Variants in MYH7 observed in about 807,000 individuals in gnomAD.
MYH7 encodes the protein myosin heavy chain 7.
MYH7 carries 129 observed loss-of-function variants against 225.4 expected under a neutral mutation model. The observed-to-expected ratio is 0.57, with a 90% confidence interval of 0.50 to 0.66. MYH7 has a LOEUF of 0.66. MYH7 is among the 30% of genes least tolerant of loss of function. The pLI, the probability that MYH7 is intolerant of heterozygous loss-of-function variation, is 0.00. For synonymous variants in MYH7, 971 were observed against 1,007.6 expected, an observed-to-expected ratio of 0.96 and a Z score of 0.69; for missense variants, 1,649 against 2,517.0, an observed-to-expected ratio of 0.66 and a Z score of 7.38.
Position 23,415,978 on chromosome 14 carries a change from G to A in MYH7, c.4953+26C>T. ...CACTACTGCTTCGCCAGGCCACGTGGAGGCCAGTCCCCTCTGGGTGAGTAC... is the reference window on the plus strand; with the variant it reads ...CACTACTGCTTCGCCAGGCCACGTGAAGGCCAGTCCCCTCTGGGTGAGTAC... On this transcript the variant is annotated intron_variant, in intron 34 of 39. Transcript: ENST00000355349. This position sits in a 1 kb window ranked among gnomAD's most constrained non-coding sequence, Gnocchi z 6.3. The A allele has an allele frequency of 6.2e-7, 1 of 1,614,118 alleles. No homozygotes were observed. The highest frequency in any genetic ancestry group is 8.5e-7 in the Non-Finnish European group (1 of 1,180,036).
chr14:23,420,303 G>C lies in MYH7; in HGVS notation c.3337-69C>G. ...CACTGGAATCCCCCCGGCTCTAAAA[G>C]GCTCTCGGCTTCTCTGGAACAGCAA... On this transcript the variant is annotated intron_variant, in intron 26 of 39. Coordinates refer to ENST00000355349, the MANE Select transcript of MYH7 (RefSeq NM_000257.4). 1.9e-6 allele frequency: 3 copies of C among 1,569,390 alleles called. No individual in the cohort carries two copies. In the Admixed American group the frequency reaches 5.6e-5, roughly 29 times the overall value.
At chr14:23,424,662 T>A in intron 22 of MYH7, 107 bp downstream of exon 22, 1 of 1,581,694 alleles carries the variant, frequency 6.3e-7, no homozygotes, top group Non-Finnish European at 8.6e-7. Flanking sequence ...CCCAGAGTCC[T>A]CTGACTGAAG....
chr14:23,420,516 T>C (rs1892433178), intron 26 of MYH7, among the ~76,000 whole-genome samples: 1 of 152,062 alleles, frequency 6.6e-6, no homozygotes, highest in African/African-American at 2.4e-5. Flanking sequence ...AGTTTAGTCA[T>C]AAAAAAATAA....
chr14:23,429,954 G>A (rs753210805), intron 11 of MYH7, 41 bp from the exon 12 acceptor site: 2 of 1,611,336 alleles, frequency 1.2e-6, no homozygotes, highest in Admixed American at 3.3e-5. Flanking sequence ...AGAAAAAGAA[G>A]TATGATGGGT....
Position 23,420,102 on chromosome 14 carries a change from T to C in MYH7, c.3469A>G (p.Thr1157Ala), listed in dbSNP as rs730880775. The C allele has an allele frequency of 1.2e-6, 2 of 1,603,644 alleles. No individual in the cohort carries two copies. Among genetic ancestry groups the C allele is most frequent in the Non-Finnish European group, 8.5e-7 (1 of 1,176,608 alleles). The change falls in exon 27 of 40, where the codon ACG (threonine) becomes GCG (alanine). Residue 1157 changes from threonine (T) to alanine (A), a missense_variant. Physicochemically the swap from Thr to Ala is moderately conservative, Grantham distance 58. Around this residue, in one of 12 missense-constraint regions of MYH7, gnomAD observed 106 missense variants for 198.8 expected, o/e 0.53. Coordinates refer to ENST00000355349, the MANE Select transcript of MYH7 (RefSeq NM_000257.4). ...SERLEEAGGA[T>A]SVQIEMNKKR... ...TTGTTCATCTCGATCTGCACGGACGTGGCCCCGCCGGCCTCTTCCAGCCGC... is the reference window on the plus strand; with the variant it reads ...TTGTTCATCTCGATCTGCACGGACGCGGCCCCGCCGGCCTCTTCCAGCCGC...
chr14:23,413,225 A>G (rs1329697420), intron 39 of MYH7, among the ~76,000 whole-genome samples: 2 of 152,210 alleles, frequency 1.3e-5, no homozygotes, highest in South Asian at 2.1e-4. Flanking sequence ...CTGGTTGTAT[A>G]TAAATTAGGG....
In MYH7 at chr14:23,426,787, T is replaced by C; in HGVS notation, c.2034A>G (p.Thr678=). Residue 678 remains threonine, a synonymous_variant, in exon 18 of 40, where the codon ACA becomes ACG. Coordinates refer to ENST00000355349, the MANE Select transcript of MYH7 (RefSeq NM_000257.4). ...AGTTTGTGGCCTCACCTGGAGACTTTGTCTCATTAGGGATGATACAACGTA... is the reference window on the plus strand; with the variant it reads ...AGTTTGTGGCCTCACCTGGAGACTTCGTCTCATTAGGGATGATACAACGTA... ...HFVRCIIPNE[T]KSPGVMDNPL... The C allele has an allele frequency of 2.5e-6, 4 of 1,614,174 alleles. No individual in the cohort carries two copies. Among genetic ancestry groups the C allele is most frequent in the Non-Finnish European group, 3.4e-6 (4 of 1,180,004 alleles).
rs730880748 is a variant in MYH7, at chr14:23,424,912, C to G, written c.2536G>C (p.Glu846Gln). 5 of 1,614,152 alleles carry G rather than the reference C, an allele frequency of 3.1e-6. No individual in the cohort carries two copies. Among genetic ancestry groups the G allele is most frequent in the Non-Finnish European group, 1.7e-6 (2 of 1,180,060 alleles). Reference sequence around the variant, plus strand: ...TCCTTCATGGAGGCCATCTCCTTCTCTCTTTCTGCACTCTTCAGCAGCGGC... The same window carrying G: ...TCCTTCATGGAGGCCATCTCCTTCTGTCTTTCTGCACTCTTCAGCAGCGGC... ...IKPLLKSAER[E>Q]KEMASMKEEF... Residue 846 changes from glutamate to glutamine, a missense_variant, in exon 22 of 40, where the codon GAG becomes CAG. This residue lies in a region of MYH7 where 282 missense variants were observed against 315.3 expected (regional missense o/e 0.89). Transcript: ENST00000355349.
At position 23,414,105 on chromosome 14, in the gene MYH7, G is replaced by A. The variant is rs2138636075; in HGVS notation, c.5560-3C>T. ...AGGTTTTTCCTGTCCTCCTCCGTCT[G>A]GGGGCCAGAGGGTAGGCAGGGGGTG... On this transcript the variant is annotated splice_polypyrimidine_tract_variant and splice_region_variant and intron_variant, in intron 37 of 39. Coordinates refer to ENST00000355349, the MANE Select transcript of MYH7 (RefSeq NM_000257.4). 6.2e-7 allele frequency: 1 copy of A among 1,611,146 alleles called. No homozygotes were observed.
chr14:23,419,255 G>T lies in MYH7; in HGVS notation c.3894C>A (p.Ile1298=), dbSNP rs754009767. 1.2e-6 allele frequency: 2 copies of T among 1,614,066 alleles called. No individual in the cohort carries two copies. The highest frequency in any genetic ancestry group is 2.7e-5 in the African/African-American group (2 of 74,912). ...SRQLDEKEAL[I]SQLTRGKLTY... Reference sequence around the variant, plus strand: ...TGAGCTTGCCTCGGGTCAGCTGGGAGATCAGTGCCTCCTTCTCATCCAGCT... The same window carrying T: ...TGAGCTTGCCTCGGGTCAGCTGGGATATCAGTGCCTCCTTCTCATCCAGCT... The change falls in exon 29 of 40, where the codon ATC becomes ATA. Residue 1298 remains isoleucine, a synonymous_variant. Transcript: ENST00000355349.
In MYH7 at chr14:23,424,862, C is replaced by T. The variant is rs112677962; in HGVS notation, c.2586G>A (p.Ala862=). The T allele has an allele frequency of 1.1e-5, 17 of 1,614,108 alleles. No individual in the cohort carries two copies. The highest frequency in any genetic ancestry group is 5.5e-5 in the South Asian group (5 of 91,090). ...MKEEFTRLKE[A]LEKSEARRKE... is the part of the protein sequence containing the mutation. ...TGCGGCGAGCCTCGGACTTCTCTAG[C>T]GCCTCTTTGAGGCGTGTGAACTCCT... The change falls in exon 22 of 40, where the codon GCG becomes GCA. Residue 862 remains alanine, a synonymous_variant. Transcript: ENST00000355349.
At chr14:23,429,435 G>A (rs968943566) in intron 12 of MYH7, 88 bp from the exon 13 acceptor site, 4 of 1,327,588 alleles carry the variant, frequency 3.0e-6, no homozygotes, top group Admixed American at 3.4e-5. Flanking sequence ...CAGCACTTTG[G>A]GAGGCCAAGG....
chr14:23,427,820 C>T lies in MYH7; in HGVS notation c.1653G>A (p.Lys551=), dbSNP rs368160680. The T allele has an allele frequency of 2.5e-6, 4 of 1,614,200 alleles. No homozygotes were observed. The highest frequency in any genetic ancestry group is 3.4e-6 in the Non-Finnish European group (4 of 1,180,032). Residue 551 remains lysine (K), a synonymous_variant, in exon 16 of 40, where the codon AAG becomes AAA. Coordinates refer to ENST00000355349, the MANE Select transcript of MYH7 (RefSeq NM_000257.4). ...PKATDMTFKA[K]LFDNHLGKSA... Reference sequence around the variant, plus strand: ...ATTTGCCCAGGTGGTTGTCAAACAGCTTGGCCTTGAAGGTCATGTCGGTGG... The same window carrying T: ...ATTTGCCCAGGTGGTTGTCAAACAGTTTGGCCTTGAAGGTCATGTCGGTGG...
Position 23,415,144 on chromosome 14 carries a change from C to T in MYH7, c.5410G>A (p.Ala1804Thr), listed in dbSNP as rs730880818. 2 of 1,614,160 alleles carry T rather than the reference C, an allele frequency of 1.2e-6. No individual in the cohort carries two copies. The highest frequency in any genetic ancestry group is 1.1e-5 in the South Asian group (1 of 91,078). Reference sequence around the variant, plus strand: ...AGCTGCTTCTTGCCGCCCTTGAGGGCGATCTGCTCGGCTTCGTCCAGCCGG... The same window carrying T: ...AGCTGCTTCTTGCCGCCCTTGAGGGTGATCTGCTCGGCTTCGTCCAGCCGG... ...QHRLDEAEQI[A>T]LKGGKKQLQK... The change falls in exon 37 of 40, where the codon GCC becomes ACC. Residue 1804 changes from alanine to threonine, a missense_variant. Around this residue, in one of 12 missense-constraint regions of MYH7, gnomAD observed 687 missense variants for 913.8 expected, o/e 0.75. Coordinates refer to ENST00000355349, the MANE Select transcript of MYH7 (RefSeq NM_000257.4). This position sits in a 1 kb window ranked among gnomAD's most constrained non-coding sequence, Gnocchi z 6.3.
At chr14:23,424,228 T>C in intron 22 of MYH7, 79 bp from the exon 23 acceptor site, 1 of 1,578,732 alleles carries the variant, frequency 6.3e-7, no homozygotes. Flanking sequence ...GAGAGGCACA[T>C]CACTCAAATA....
At position 23,417,328 on chromosome 14, in the gene MYH7, G is replaced by C. The variant is rs543141581; in HGVS notation, c.4354-10C>G. 1 of 1,613,380 alleles carries C rather than the reference G, an allele frequency of 6.2e-7. No homozygotes were observed. Among genetic ancestry groups the C allele is most frequent in the Non-Finnish European group, 8.5e-7 (1 of 1,180,008 alleles). On this transcript the variant is annotated splice_polypyrimidine_tract_variant and intron_variant, in intron 31 of 39. Transcript: ENST00000355349. The stretch of plus-strand genomic sequence containing the variant: ...TCCACTCGGCCAGGATCTGCCCGGG[G>C]ACAAGGCTCACTCTTCAGCCCCCCA...
intron 24 of MYH7, 133 bp from the exon 25 acceptor site, chr14:23,422,458 GT>G: frequency 8.7e-7 from 1 of 1,147,356 alleles, no homozygotes; most frequent in South Asian, 1.3e-5. Context: ...TGGGCCAAAT[GT>G]TATTAGGGGA....
chr14:23,419,458 C>G (rs1305354368), intron 28 of MYH7, 25 bp downstream of exon 28: 16 of 1,613,538 alleles, frequency 9.9e-6, no homozygotes, highest in Non-Finnish European at 1.4e-5. Context: ...TGGTGGGAAC[C>G]ATGGAGCCCC....
At position 23,417,565 on chromosome 14, in the gene MYH7, C is replaced by A; in HGVS notation, c.4291G>T (p.Asp1431Tyr). The A allele has an allele frequency of 6.2e-7, 1 of 1,612,456 alleles. No homozygotes were observed. The highest frequency in any genetic ancestry group is 8.5e-7 in the Non-Finnish European group (1 of 1,180,046). ...GCAGCAGCATTGGAGCGCTCTACGT[C>A]CACCATCAAGTCCTCGATCTCATTC... is the stretch of plus-strand genomic sequence containing the variant. ...LQNEIEDLMV[D>Y]VERSNAAAAA... Residue 1431 changes from aspartate (D) to tyrosine (Y), a missense_variant, in exon 31 of 40, where the codon GAC (aspartate) becomes TAC (tyrosine). Transcript: ENST00000355349.
Sources: gnomAD v4.1 joint callset for allele counts (sites outside exome capture counted in the v4.1 genomes callset) on GRCh38, gnomAD v4.1.1 for gene constraint, gnomAD v4.1.1 regional missense constraint, Gnocchi (gnomAD v3.1) non-coding constraint, MANE v1.5 for transcripts, NCBI Gene and HGNC (gene_info 2026-07-23, HGNC 2026-07-21) for gene names.